The following ARMC2 variants were observed in gnomAD, a reference collection of about 807,000 sequenced individuals.
ARMC2 encodes the protein armadillo repeat containing 2, also known as armadillo repeat-containing protein 2.
A neutral mutation model predicts 90.3 loss-of-function variants in ARMC2; 67 were observed. The observed-to-expected ratio is 0.74, with a 90% confidence interval of 0.61 to 0.91. The LOEUF is 0.91. ARMC2 is among the 40% of genes least tolerant of loss of function. The pLI is 0.00. For synonymous variants in ARMC2, 393 were observed against 393.0 expected (o/e 1.00, Z 0.00); for missense variants, 920 against 1,030.9 (o/e 0.89, Z 1.47).
rs984190692 is a variant in ARMC2 at position 108,952,764 on chromosome 6, G to A, written c.1597-269G>A. Among the ~76,000 whole-genome samples the A allele has an allele frequency of 4.6e-5, 7 of 152,262 alleles. No homozygotes were observed. In the South Asian group the frequency reaches 6.2e-4, roughly 14 times the overall value. On this transcript the variant is annotated intron_variant, in intron 12 of 17. Coordinates refer to ENST00000392644, the MANE Select transcript of ARMC2 (RefSeq NM_032131.6). The stretch of plus-strand genomic sequence containing the variant: ...TTCTCTGAAGGAGATAAAGAAAGGC[G>A]AGCCAGAATTTAAGATGAAGGATCT...
chr6:109,010,480 G>A, the ARMC2 span, among the ~76,000 whole-genome samples: 1 of 152,176 alleles, frequency 6.6e-6, no homozygotes, highest in Non-Finnish European at 1.5e-5. Context: ...AAGGAAACAA[G>A]TGGAATTTAT....
intron 6 of ARMC2, among the ~76,000 whole-genome samples, chr6:108,895,238 G>A (rs943267253): frequency 6.6e-5 from 10 of 150,528 alleles, no homozygotes; most frequent in East Asian, 5.9e-4. Context: ...TGAGGCAGGC[G>A]GATCACTTGA....
chr6:108,988,975 T>C, the ARMC2 span, among the ~76,000 whole-genome samples: 1 of 152,112 alleles, frequency 6.6e-6, no homozygotes, highest in Non-Finnish European at 1.5e-5. Flanking sequence ...ATAGTGTATA[T>C]CTGCAATCAT....
the ARMC2 span, among the ~76,000 whole-genome samples, chr6:109,027,163 C>G: frequency 2.0e-5 from 3 of 151,990 alleles, no homozygotes; most frequent in South Asian, 6.2e-4. Flanking sequence ...GAGAAAGATT[C>G]TGTCTAAAAA....
At chr6:108,892,139 G>A (rs1014402298) in intron 5 of ARMC2, among the ~76,000 whole-genome samples, 7 of 152,124 alleles carry the variant, frequency 4.6e-5, no homozygotes, top group African/African-American at 1.7e-4. Flanking sequence ...TGTAGGGCAG[G>A]TGTATGTATT....
At chr6:108,996,511 T>TTAAAAAATA in the ARMC2 span, among the ~76,000 whole-genome samples, 12 of 152,196 alleles carry the variant, frequency 7.9e-5, no homozygotes, top group African/African-American at 2.7e-4. Context: ...CCTATTCTCC[T>TTAAAAAATA]CTTAAAGAGC....
intron 2 of ARMC2, among the ~76,000 whole-genome samples, chr6:108,854,813 T>C (rs894786142): frequency 6.6e-6 from 1 of 152,220 alleles, no homozygotes; most frequent in Non-Finnish European, 1.5e-5. Context: ...TTTGGACAAA[T>C]TTCTGATGAC....
chr6:108,939,545 T>A (rs1776270026), intron 12 of ARMC2, among the ~76,000 whole-genome samples: 1 of 152,152 alleles, frequency 6.6e-6, no homozygotes, highest in African/African-American at 2.4e-5. Flanking sequence ...CCGCCATGAT[T>A]GAAAGTTTCC....
the ARMC2 span, among the ~76,000 whole-genome samples, chr6:108,982,127 T>C: frequency 1.8e-4 from 27 of 152,322 alleles, no homozygotes; most frequent in Non-Finnish European, 2.9e-4. Flanking sequence ...CTCTTTGAGA[T>C]CTTGTTTTCA....
the ARMC2 span, among the ~76,000 whole-genome samples, chr6:109,009,767 T>C: frequency 6.6e-6 from 1 of 151,852 alleles, no homozygotes; most frequent in Non-Finnish European, 1.5e-5. Flanking sequence ...AATTCTCAGG[T>C]ACGGAATGGG....
At chr6:108,966,112 A>G (rs1440248639) in intron 17 of ARMC2, among the ~76,000 whole-genome samples, 2 of 144,860 alleles carry the variant, frequency 1.4e-5, no homozygotes, top group East Asian at 4.0e-4. Context: ...CAGCCACCAT[A>G]CTAGATCCAG....
At chr6:109,007,893 C>T in the ARMC2 span, among the ~76,000 whole-genome samples, 1 of 148,796 alleles carries the variant, frequency 6.7e-6, no homozygotes, top group Non-Finnish European at 1.5e-5. Context: ...GTGCCCTATA[C>T]TTTGCTCAGG....
chr6:108,872,033 G>A (rs1382876248), intron 4 of ARMC2, among the ~76,000 whole-genome samples: 1 of 152,206 alleles, frequency 6.6e-6, no homozygotes, highest in Non-Finnish European at 1.5e-5. Flanking sequence ...ATTGTCATTT[G>A]TATAAGAGCT....
the ARMC2 span, among the ~76,000 whole-genome samples, chr6:109,028,478 T>C: frequency 2.0e-5 from 3 of 152,110 alleles, no homozygotes; most frequent in South Asian, 2.1e-4. Flanking sequence ...TGTATGTATG[T>C]TAAATTAAGT....
intron 5 of ARMC2, among the ~76,000 whole-genome samples, chr6:108,887,260 A>T (rs1239898490): frequency 6.6e-6 from 1 of 152,106 alleles, no homozygotes; most frequent in Non-Finnish European, 1.5e-5. Flanking sequence ...TTTGGGGTGC[A>T]TGTGGTCCAA....
intron 8 of ARMC2, among the ~76,000 whole-genome samples, chr6:108,908,674 C>T (rs1031387915): frequency 2.6e-5 from 4 of 151,164 alleles, no homozygotes; most frequent in African/African-American, 9.7e-5. Context: ...ATTGAGCCCA[C>T]GAGGTCAAGG....
chr6:108,916,467 A>G (rs1773982674), intron 10 of ARMC2, among the ~76,000 whole-genome samples: 1 of 152,242 alleles, frequency 6.6e-6, no homozygotes, highest in Non-Finnish European at 1.5e-5. Flanking sequence ...GCATCAAGTC[A>G]AAGCGTGAAT....
Position 108,910,920 on chromosome 6 carries a change from C to A in ARMC2, c.1045C>A (p.Leu349Ile). The change falls in exon 9 of 18, where the codon CTT becomes ATT. Residue 349 changes from leucine (L) to isoleucine (I), a missense_variant. Transcript: ENST00000392644. ...GCAGCTTAAAGTGAGTAGAAAGAAT[C>A]TTCTTAATGTCTGCAAACTTATATT... Reference protein sequence around the residue: ...ILALKVSRKNLLNVCKLIFKI... With the variant: ...ILALKVSRKNILNVCKLIFKI... 6.4e-7 allele frequency: 1 copy of A among 1,561,216 alleles called. No individual in the cohort carries two copies. The highest frequency in any genetic ancestry group is 1.2e-5 in the South Asian group (1 of 81,444).
In ARMC2 at chr6:108,955,086, C is replaced by T. The variant is rs145330182; in HGVS notation, c.1915+1735C>T. On this transcript the variant is annotated intron_variant, in intron 13 of 17. Transcript: ENST00000392644. The stretch of plus-strand genomic sequence containing the variant: ...CCGGATGAGGGCCCCACCCTTCTGA[C>T]CTCATTTAACCTTTATCACTTCCCC... 2.0e-5 allele frequency among the ~76,000 whole-genome samples: 3 copies of T among 152,300 alleles called. No homozygotes were observed. In the East Asian group the frequency reaches 5.8e-4, roughly 29 times the overall value.
Sources: allele counts gnomAD v4.1 joint callset (sites outside exome capture counted in the v4.1 genomes callset), GRCh38; gene constraint gnomAD v4.1.1; transcripts MANE v1.5; gene names NCBI Gene and HGNC (gene_info 2026-07-23, HGNC 2026-07-21).